Variants in STRN3 observed in about 807,000 individuals in gnomAD.
The protein encoded by STRN3 is striatin 3.
Under a neutral mutation model 95.6 loss-of-function variants are expected in STRN3, and 29 were observed. The observed-to-expected ratio is 0.30, with a 90% CI of 0.23 to 0.41. STRN3 has a LOEUF of 0.41. STRN3 is among the 10% of genes least tolerant of loss of function. STRN3 has a pLI of 1.00. For missense variants in STRN3, 890 were observed against 972.1 expected (o/e 0.92, Z 1.12); for synonymous variants, 331 against 357.6 (o/e 0.93, Z 0.84).
intron 1 of STRN3, among the ~76,000 whole-genome samples, chr14:30,967,730 A>G (rs1296758576): frequency 6.6e-6 from 1 of 152,272 alleles, no homozygotes; most frequent in Non-Finnish European, 1.5e-5. Context: ...GCAAAAAGGT[A>G]GCTTACTAAC....
rs1300352171 is a variant in STRN3 at position 31,025,990 on chromosome 14, G to A, written c.196C>T (p.Pro66Ser). ...TGCTGGATGTAGTGCAGTATCCCCG[G>A]GATAGTGTACTGCTGCGGCCGGGAC... ...ELSRPQQYTI[P>S]GILHYIQHEW... Residue 66 changes from proline to serine, a missense_variant, in exon 1 of 18, where the codon CCG becomes TCG. Around this residue, in one of 3 missense-constraint regions of STRN3, gnomAD observed 526 missense variants for 526.3 expected, o/e 1.00. Transcript: ENST00000357479. 4 of 1,568,284 alleles carry A rather than the reference G, an allele frequency of 2.6e-6. No individual in the cohort carries two copies. The South Asian group carries it at 3.5e-5, about 14-fold the overall frequency.
chr14:30,974,750 G>A (rs923295296), intron 1 of STRN3, among the ~76,000 whole-genome samples: 2 of 152,132 alleles, frequency 1.3e-5, no homozygotes, highest in Non-Finnish European at 2.9e-5. Flanking sequence ...AGGCTAAAGT[G>A]AGCTGACATT....
intron 1 of STRN3, among the ~76,000 whole-genome samples, chr14:31,018,161 T>C (rs1391661940): frequency 6.7e-6 from 1 of 148,436 alleles, no homozygotes; most frequent in Non-Finnish European, 1.5e-5. Context: ...AATAAAAATA[T>C]ATTTCAGGTC....
At chr14:31,017,752 C>A (rs977449493) in intron 1 of STRN3, among the ~76,000 whole-genome samples, 1 of 151,988 alleles carries the variant, frequency 6.6e-6, no homozygotes, top group Non-Finnish European at 1.5e-5. Context: ...TTATGAGGGG[C>A]AGTGAGTGTA....
At chr14:30,960,695 C>T (rs1880150055) in intron 1 of STRN3, among the ~76,000 whole-genome samples, 1 of 151,728 alleles carries the variant, frequency 6.6e-6, no homozygotes, top group Non-Finnish European at 1.5e-5. Context: ...CGGTGAAACC[C>T]CGCCTCTACT....
chr14:30,952,714 AAAC>A (rs1482574211), intron 3 of STRN3, among the ~76,000 whole-genome samples: 1 of 152,088 alleles, frequency 6.6e-6, no homozygotes, highest in East Asian at 1.9e-4. Context: ...AAAACCAAAA[AAAC>A]AACACTTATT....
intron 1 of STRN3, chr14:31,018,372 CAAAG>C (rs1327954129): frequency 2.9e-6 from 1 of 339,330 alleles, no homozygotes; most frequent in East Asian, 8.8e-5. Context: ...AGTGGGCACT[CAAAG>C]AAATGTGTGT....
chr14:30,961,056 A>G (rs966178048), intron 1 of STRN3, among the ~76,000 whole-genome samples: 6 of 152,074 alleles, frequency 3.9e-5, no homozygotes, highest in African/African-American at 1.2e-4. Context: ...TAAAAAAGAC[A>G]AAAACACTAG....
At chr14:31,000,161 G>A (rs774650990) in intron 1 of STRN3, among the ~76,000 whole-genome samples, 4 of 143,860 alleles carry the variant, frequency 2.8e-5, no homozygotes, top group African/African-American at 1.0e-4. Flanking sequence ...AAACACACCA[G>A]AGAGTAATTC....
intron 1 of STRN3, among the ~76,000 whole-genome samples, chr14:30,980,357 G>A (rs1881330991): frequency 6.6e-6 from 1 of 152,154 alleles, no homozygotes; most frequent in Admixed American, 6.5e-5. Flanking sequence ...TCTGCTGGTA[G>A]TGAACTAAAA....
At chr14:30,953,667 T>A (rs1348344926) in intron 3 of STRN3, among the ~76,000 whole-genome samples, 1 of 152,204 alleles carries the variant, frequency 6.6e-6, no homozygotes, top group South Asian at 2.1e-4. Flanking sequence ...TCTCACTTTG[T>A]CATCCAAGAG....
chr14:30,938,651 C>T (rs375577542), intron 5 of STRN3, among the ~76,000 whole-genome samples: 4 of 151,894 alleles, frequency 2.6e-5, no homozygotes, highest in African/African-American at 7.3e-5. Flanking sequence ...AATTAACATT[C>T]GCTCTTTGAA....
chr14:30,997,023 A>C (rs950601350), intron 1 of STRN3, among the ~76,000 whole-genome samples: 24 of 152,120 alleles, frequency 1.6e-4, no homozygotes, highest in Non-Finnish European at 2.9e-4. Flanking sequence ...TAAAAAAAAA[A>C]CCTAAATGTG....
intron 1 of STRN3, among the ~76,000 whole-genome samples, chr14:30,982,612 T>C (rs963840994): frequency 1.3e-5 from 2 of 152,132 alleles, no homozygotes; most frequent in Non-Finnish European, 2.9e-5. Context: ...GTCTGGCCAA[T>C]AGATAATTTT....
intron 1 of STRN3, among the ~76,000 whole-genome samples, chr14:30,980,462 C>T (rs1455691245): frequency 6.6e-6 from 1 of 151,688 alleles, no homozygotes; most frequent in Non-Finnish European, 1.5e-5. Flanking sequence ...GGCTGGAGTG[C>T]AGTGGCACAA....
At chr14:30,988,733 C>T (rs1466056888) in intron 1 of STRN3, among the ~76,000 whole-genome samples, 1 of 152,184 alleles carries the variant, frequency 6.6e-6, no homozygotes, top group African/African-American at 2.4e-5. Context: ...CTACCATTAT[C>T]CTACATTTTC....
intron 7 of STRN3, among the ~76,000 whole-genome samples, chr14:30,933,280 T>TTAAA (rs1555317709): frequency 0.045 from 1,016 of 22,820 alleles, 95 homozygotes; most frequent in Non-Finnish European, 0.061. Context: ...CCCTGTTTCA[T>TTAAA]AAAAAAAAAA....
At position 31,020,398 on chromosome 14, in the gene STRN3, C is replaced by G; in HGVS notation, c.282+5506G>C. The stretch of plus-strand genomic sequence containing the variant: ...CTTGTAATTCCAGCTACTCAGAAGA[C>G]TGAGGCATGAGAACTGCCTGAACCC... On this transcript the variant is annotated intron_variant, in intron 1 of 17. Coordinates refer to ENST00000357479, the MANE Select transcript of STRN3 (RefSeq NM_001083893.2). Among the ~76,000 whole-genome samples the G allele has an allele frequency of 1.3e-5, 2 of 151,736 alleles. 1 individual carries two copies. Among genetic ancestry groups the G allele is most frequent in the Admixed American group, 1.3e-4 (2 of 15,222 alleles).
chr14:31,018,500 A>G, intron 1 of STRN3: 1 of 430,198 alleles, frequency 2.3e-6, no homozygotes. Context: ...GAGCTTCTCT[A>G]GGGAACTTGG....
Sources: gnomAD v4.1 joint callset for allele counts (sites outside exome capture counted in the v4.1 genomes callset) on GRCh38, gnomAD v4.1.1 for gene constraint, gnomAD v4.1.1 regional missense constraint, MANE v1.5 for transcripts, NCBI Gene and HGNC (gene_info 2026-07-23, HGNC 2026-07-21) for gene names.